The following CTNNBL1 variants were observed in gnomAD, a reference collection of about 807,000 sequenced individuals.
CTNNBL1 encodes catenin beta like 1, also known as beta-catenin-like protein 1.
A neutral mutation model predicts 72.7 loss-of-function variants in CTNNBL1; 31 were observed. The observed-to-expected ratio is 0.43, with a 90% confidence interval of 0.32 to 0.58. The LOEUF (loss-of-function observed/expected upper bound fraction) is 0.58. Among genes scored for constraint, CTNNBL1 ranks in the 20% least tolerant of loss-of-function variants. CTNNBL1 has a pLI of 0.08. For synonymous variants in CTNNBL1, 240 were observed against 267.3 expected, an observed-to-expected ratio of 0.90 and a Z score of 1.00; for missense variants, 534 against 725.1, an observed-to-expected ratio of 0.74 and a Z score of 3.03.
intron 13 of CTNNBL1, among the ~76,000 whole-genome samples, chr20:37,857,867 G>A (rs1028140023): frequency 5.1e-4 from 78 of 152,236 alleles, no homozygotes; most frequent in Non-Finnish European, 9.6e-4. Context: ...TCCCCACACC[G>A]AGTTCTCACT....
intron 11 of CTNNBL1, among the ~76,000 whole-genome samples, chr20:37,808,412 A>G (rs1437914258): frequency 6.6e-6 from 1 of 152,232 alleles, no homozygotes; most frequent in Non-Finnish European, 1.5e-5. Flanking sequence ...AAACATTTTT[A>G]AAAGTCTTCG....
intron 1 of CTNNBL1, among the ~76,000 whole-genome samples, chr20:37,704,775 G>A (rs1046383056): frequency 1.3e-5 from 2 of 151,782 alleles, no homozygotes; most frequent in Admixed American, 6.6e-5. Context: ...TTATCATTGT[G>A]GATCTCATAT....
In CTNNBL1 at chr20:37,703,846, C is replaced by T. The variant is rs190461166; in HGVS notation, c.30+9694C>T. 1.5e-4 allele frequency among the ~76,000 whole-genome samples: 22 copies of T among 151,002 alleles called. No individual in the cohort carries two copies. The East Asian group carries it at 2.7e-3, about 19-fold the overall frequency. On this transcript the variant is annotated intron_variant, in intron 1 of 15. Transcript: ENST00000361383. Reference sequence around the variant, plus strand: ...GTTGCCCAGTGCAATGGCATGATCTCGGCTCACTGCAACCTCTGCCTCCTG... The same window carrying T: ...GTTGCCCAGTGCAATGGCATGATCTTGGCTCACTGCAACCTCTGCCTCCTG...
At chr20:37,738,119 A>G (rs562183301) in intron 3 of CTNNBL1, among the ~76,000 whole-genome samples, 8 of 152,314 alleles carry the variant, frequency 5.3e-5, no homozygotes, top group African/African-American at 9.6e-5. Flanking sequence ...TATTCTTTTC[A>G]GTGCCCAAAG....
At chr20:37,866,785 G>A (rs983060658) in intron 15 of CTNNBL1, among the ~76,000 whole-genome samples, 1 of 152,204 alleles carries the variant, frequency 6.6e-6, no homozygotes, top group Non-Finnish European at 1.5e-5. Flanking sequence ...TTAAAATGCA[G>A]TTGGGTGCCT....
At chr20:37,735,164 C>G (rs2073161031) in intron 2 of CTNNBL1, among the ~76,000 whole-genome samples, 2 of 152,184 alleles carry the variant, frequency 1.3e-5, no homozygotes, top group Non-Finnish European at 2.9e-5. Flanking sequence ...TAGGTCATCT[C>G]TATGACCTTG....
At chr20:37,822,074 T>G (rs1271213710) in intron 11 of CTNNBL1, among the ~76,000 whole-genome samples, 2 of 152,214 alleles carry the variant, frequency 1.3e-5, no homozygotes, top group Non-Finnish European at 2.9e-5. Flanking sequence ...TGTGCCTTTC[T>G]GATTATTACT....
At chr20:37,760,604 G>A (rs985611840) in intron 5 of CTNNBL1, among the ~76,000 whole-genome samples, 1 of 152,186 alleles carries the variant, frequency 6.6e-6, no homozygotes, top group African/African-American at 2.4e-5. Context: ...CTGTGTCCTT[G>A]GGAAAGTTAC....
intron 11 of CTNNBL1, among the ~76,000 whole-genome samples, chr20:37,808,873 G>C (rs1345727852): frequency 6.6e-6 from 1 of 151,852 alleles, no homozygotes; most frequent in Non-Finnish European, 1.5e-5. Flanking sequence ...TTTTCTGCTT[G>C]GTAAATGGCA....
chr20:37,718,211 G>A (rs911639718), intron 1 of CTNNBL1, among the ~76,000 whole-genome samples: 1 of 150,588 alleles, frequency 6.6e-6, no homozygotes, highest in Non-Finnish European at 1.5e-5. Flanking sequence ...TCACCTCCGG[G>A]ACGGGGCGGC....
At chr20:37,746,652 G>C (rs752342177) in intron 4 of CTNNBL1, 45 bp downstream of exon 4, 2 of 1,611,436 alleles carry the variant, frequency 1.2e-6, no homozygotes, top group Non-Finnish European at 1.7e-6. Context: ...GACATGGTGG[G>C]GAAGTGCTGT....
chr20:37,826,575 CATT>C (rs2072161981), intron 11 of CTNNBL1, among the ~76,000 whole-genome samples: 1 of 152,218 alleles, frequency 6.6e-6, no homozygotes, highest in Admixed American at 6.5e-5. Flanking sequence ...GGTATCTCAT[CATT>C]CATATTCCAA....
rs183234606 is a variant in CTNNBL1, at chr20:37,725,793, T to C, written c.31-7086T>C. ...GAGGTCAGATGTTCGAGACCAGCCT[T>C]GTCAACATGGTGTAACCCCATCCCT... On this transcript the variant is annotated intron_variant, in intron 1 of 15. Transcript: ENST00000361383. 2.8e-3 allele frequency among the ~76,000 whole-genome samples: 428 copies of C among 151,774 alleles called. 5 individuals are homozygous for C. The highest frequency in any genetic ancestry group is 0.017 in the East Asian group (87 of 5,056).
chr20:37,714,914 T>G (rs1273555257), intron 1 of CTNNBL1, among the ~76,000 whole-genome samples: 1 of 152,184 alleles, frequency 6.6e-6, no homozygotes, highest in Non-Finnish European at 1.5e-5. Context: ...TGGTTATTTG[T>G]CCAGGGTCAC....
At chr20:37,762,046 A>G (rs1019905277) in intron 5 of CTNNBL1, among the ~76,000 whole-genome samples, 1 of 152,158 alleles carries the variant, frequency 6.6e-6, no homozygotes, top group Non-Finnish European at 1.5e-5. Context: ...TAATTAGAAG[A>G]TATAAGCAGG....
At chr20:37,842,445 C>T (rs2072312693) in intron 13 of CTNNBL1, 26 bp downstream of exon 13, 2 of 1,556,754 alleles carry the variant, frequency 1.3e-6, no homozygotes, top group Non-Finnish European at 1.8e-6. Flanking sequence ...TCACTTTTGC[C>T]AGCTATTGAC....
At chr20:37,831,355 T>C (rs1418903923) in intron 11 of CTNNBL1, among the ~76,000 whole-genome samples, 1 of 82,312 alleles carries the variant, frequency 1.2e-5, no homozygotes, top group African/African-American at 4.8e-5. Flanking sequence ...ATTTCTTTTT[T>C]CTTTTTCTTT....
intron 13 of CTNNBL1, among the ~76,000 whole-genome samples, chr20:37,849,237 C>T (rs2072373542): frequency 1.3e-5 from 2 of 152,218 alleles, no homozygotes. Context: ...AGTTCATTTT[C>T]TACACAGCAA....
chr20:37,796,613 T>C lies in CTNNBL1; in HGVS notation c.1032-6254T>C, dbSNP rs1042288444. Among the ~76,000 whole-genome samples, 3 of 152,282 alleles carry C rather than the reference T, an allele frequency of 2.0e-5. 1 individual carries two copies. The Middle Eastern group carries it at 0.01, about 522-fold the overall frequency. On this transcript the variant is annotated intron_variant, in intron 10 of 15. Coordinates refer to ENST00000361383, the MANE Select transcript of CTNNBL1 (RefSeq NM_030877.5). ...GTAATGCAATTAACTTGTATATTGA[T>C]CTTATATTTAGCAACTTTGCTCTAT... is the stretch of plus-strand genomic sequence containing the variant.
Sources: gnomAD v4.1 joint callset for allele counts (sites outside exome capture counted in the v4.1 genomes callset) on GRCh38, gnomAD v4.1.1 for gene constraint, MANE v1.5 for transcripts, NCBI Gene and HGNC (gene_info 2026-07-23, HGNC 2026-07-21) for gene names.